The following ELMO1 variants were observed in gnomAD, a reference collection of about 807,000 sequenced individuals.
ELMO1 encodes the protein engulfment and cell motility 1.
ELMO1 carries 26 observed loss-of-function variants against 98.9 expected under a neutral mutation model. The ratio of observed to expected loss-of-function variants is 0.26; its 90% confidence interval spans 0.19 to 0.36. The LOEUF is 0.36. Ranked by LOEUF, ELMO1 falls within the 10% of genes least tolerant of loss-of-function variation. ELMO1 has a pLI of 1.00. For missense variants in ELMO1, 627 were observed against 935.2 expected, an observed-to-expected ratio of 0.67 and a Z score of 4.30; for synonymous variants, 346 against 346.0, an observed-to-expected ratio of 1.00 and a Z score of 0.00.
chr7:36,902,710 T>TG (rs1006164439), intron 16 of ELMO1, among the ~76,000 whole-genome samples: 1 of 152,200 alleles, frequency 6.6e-6, no homozygotes, highest in African/African-American at 2.4e-5. Flanking sequence ...CTTTGGTAAG[T>TG]GATGGCAAGT....
chr7:37,046,597 GAAAAC>G (rs1003241881), intron 15 of ELMO1, among the ~76,000 whole-genome samples: 9 of 152,114 alleles, frequency 5.9e-5, no homozygotes, highest in Admixed American at 5.2e-4. Context: ...TGAGAATGAT[GAAAAC>G]AAAACAAAAC....
intron 1 of ELMO1, among the ~76,000 whole-genome samples, chr7:37,381,001 C>T (rs1299218722): frequency 6.6e-6 from 1 of 152,144 alleles, no homozygotes; most frequent in African/African-American, 2.4e-5. Flanking sequence ...AAATAGACCA[C>T]AAAAAGAGTA....
intron 16 of ELMO1, chr7:36,985,200 T>A: frequency 1.3e-6 from 1 of 796,356 alleles, no homozygotes; most frequent in Non-Finnish European, 1.5e-6. Flanking sequence ...AGAGAGCCAA[T>A]CCTTGAATAT....
At chr7:36,967,291 G>T (rs889022456) in intron 16 of ELMO1, among the ~76,000 whole-genome samples, 3 of 151,980 alleles carry the variant, frequency 2.0e-5, no homozygotes, top group African/African-American at 7.3e-5. Context: ...CAATCACTAT[G>T]TATTCCATAA....
intron 4 of ELMO1, among the ~76,000 whole-genome samples, chr7:37,279,812 A>G (rs1266147928): frequency 4.6e-5 from 7 of 152,134 alleles, no homozygotes; most frequent in Admixed American, 6.5e-5. Context: ...GTATGGTGGG[A>G]GTGAGACTGG....
intron 17 of ELMO1, among the ~76,000 whole-genome samples, chr7:36,892,919 TATTTGG>T (rs1469577879): frequency 6.7e-6 from 1 of 150,032 alleles, no homozygotes; most frequent in Non-Finnish European, 1.5e-5. Context: ...ATTTCCTTCA[TATTTGG>T]ATAGTTTCAA....
intron 18 of ELMO1, among the ~76,000 whole-genome samples, chr7:36,887,306 G>A (rs1203017905): frequency 6.6e-6 from 1 of 152,166 alleles, no homozygotes; most frequent in African/African-American, 2.4e-5. Flanking sequence ...AGCTATTGTT[G>A]ACACCACCAC....
intron 16 of ELMO1, among the ~76,000 whole-genome samples, chr7:36,972,092 C>T (rs1050197328): frequency 1.5e-4 from 23 of 152,016 alleles, no homozygotes; most frequent in Non-Finnish European, 5.9e-5. Flanking sequence ...TATTATGTGC[C>T]GAGCACCAAG....
At chr7:36,875,675 C>A (rs933063139) in intron 19 of ELMO1, among the ~76,000 whole-genome samples, 1 of 152,176 alleles carries the variant, frequency 6.6e-6, no homozygotes, top group Admixed American at 6.5e-5. Context: ...CCCTGGCAAG[C>A]TGGCTCTCCC....
intron 15 of ELMO1, chr7:37,033,472 C>G (rs1042062692): frequency 1.6e-4 from 70 of 448,422 alleles, no homozygotes; most frequent in African/African-American, 1.4e-3. Context: ...AAACCAATGT[C>G]TAGGCCATGT....
chr7:36,947,568 C>G (rs558720549), intron 16 of ELMO1, among the ~76,000 whole-genome samples: 37 of 152,280 alleles, frequency 2.4e-4, no homozygotes, highest in African/African-American at 8.9e-4. Context: ...GCCTCCTAAT[C>G]TTTTCAGTCC....
At chr7:36,952,820 G>A (rs1211110835) in intron 16 of ELMO1, among the ~76,000 whole-genome samples, 1 of 152,154 alleles carries the variant, frequency 6.6e-6, no homozygotes. Context: ...AGCAGAGGAG[G>A]AAGAGAGCAG....
In ELMO1 at chr7:36,864,128, C is replaced by T. The variant is rs540932521; in HGVS notation, c.1906-2392G>A. On this transcript the variant is annotated intron_variant, in intron 20 of 21. Transcript: ENST00000310758. Reference sequence around the variant, plus strand: ...AGTGCCTGACTGCTCAGGGAAATCACGTGGCTGATCACCCCTTGCTGACAA... The same window carrying T: ...AGTGCCTGACTGCTCAGGGAAATCATGTGGCTGATCACCCCTTGCTGACAA... 3.3e-5 allele frequency among the ~76,000 whole-genome samples: 5 copies of T among 152,334 alleles called. No individual in the cohort carries two copies. The South Asian group carries it at 6.2e-4, about 19-fold the overall frequency.
At chr7:37,222,032 T>C (rs1224381568) in intron 10 of ELMO1, among the ~76,000 whole-genome samples, 1 of 152,102 alleles carries the variant, frequency 6.6e-6, no homozygotes, top group Non-Finnish European at 1.5e-5. Context: ...ATGGCTCCAA[T>C]TTCCCAGCCA....
chr7:37,038,500 T>C (rs1312729020), intron 15 of ELMO1, among the ~76,000 whole-genome samples: 2 of 152,212 alleles, frequency 1.3e-5, no homozygotes, highest in Non-Finnish European at 2.9e-5. Context: ...TTGGGACAGA[T>C]TTTTTGATCT....
intron 4 of ELMO1, among the ~76,000 whole-genome samples, chr7:37,304,861 C>T (rs756824062): frequency 3.3e-5 from 5 of 152,272 alleles, no homozygotes; most frequent in Admixed American, 1.3e-4. Flanking sequence ...TTTTCACATA[C>T]GTACAGAGAA....
At chr7:37,369,686 A>AAG (rs1554301329) in intron 1 of ELMO1, among the ~76,000 whole-genome samples, 4 of 151,752 alleles carry the variant, frequency 2.6e-5, no homozygotes, top group South Asian at 2.1e-4. Context: ...AAAAAAAAAA[A>AAG]AGAGACTGAC....
chr7:37,240,365 TGTCA>T (rs1243549525), intron 7 of ELMO1, among the ~76,000 whole-genome samples: 1 of 152,230 alleles, frequency 6.6e-6, no homozygotes, highest in East Asian at 1.9e-4. Flanking sequence ...TTATTTCTAA[TGTCA>T]GTATGATTTG....
intron 16 of ELMO1, among the ~76,000 whole-genome samples, chr7:36,937,310 G>T (rs1786629282): frequency 6.6e-6 from 1 of 152,306 alleles, no homozygotes; most frequent in East Asian, 1.9e-4. Flanking sequence ...CACACAGGGA[G>T]AACGCCACGT....
Sources: allele counts gnomAD v4.1 joint callset (sites outside exome capture counted in the v4.1 genomes callset), GRCh38; gene constraint gnomAD v4.1.1; transcripts MANE v1.5; gene names NCBI Gene and HGNC (gene_info 2026-07-23, HGNC 2026-07-21).